DAB2IP: variants seen among roughly 807,000 people sequenced by gnomAD.
DAB2IP encodes disabled homolog 2-interacting protein.
A neutral mutation model predicts 107.2 loss-of-function variants in DAB2IP; 28 were observed. The observed-to-expected ratio is 0.26, with a 90% CI of 0.19 to 0.36. The LOEUF (loss-of-function observed/expected upper bound fraction) is 0.36. DAB2IP is among the 10% of genes least tolerant of loss of function. The probability of loss-of-function intolerance (pLI) is 1.00; values close to 1 mark genes in which losing one functional copy is unlikely to be tolerated. For missense variants in DAB2IP, 1,400 were observed against 1,644.7 expected, an observed-to-expected ratio of 0.85 and a Z score of 2.57; for synonymous variants, 755 against 706.4, an observed-to-expected ratio of 1.07 and a Z score of -1.09.
intron 1 of DAB2IP, among the ~76,000 whole-genome samples, chr9:121,627,199 G>C (rs533118873): frequency 1.3e-5 from 2 of 151,542 alleles, no homozygotes; most frequent in Non-Finnish European, 2.9e-5. Flanking sequence ...CCACCCAGGA[G>C]ATCATCCCAC....
intron 3 of DAB2IP, among the ~76,000 whole-genome samples, 167 bp from the exon 4 acceptor site, chr9:121,756,844 GTC>G (rs1833526534): frequency 6.6e-6 from 1 of 152,250 alleles, no homozygotes; most frequent in East Asian, 1.9e-4. Context: ...GTTCCCACCA[GTC>G]TCTGTGACAG....
In DAB2IP at chr9:121,781,561, C is replaced by T; in HGVS notation, c.3402+10C>T. On this transcript the variant is annotated intron_variant, in intron 15 of 15. Coordinates refer to ENST00000408936, the Ensembl canonical transcript of DAB2IP. ...GATCATTGATGCCCAGGTGGGGGCT[C>T]CGGCCCTTTGGTCAGCCACAAGAGT... The T allele has an allele frequency of 6.2e-7, 1 of 1,612,516 alleles. No individual in the cohort carries two copies. The highest frequency in any genetic ancestry group is 8.5e-7 in the Non-Finnish European group (1 of 1,179,926).
intron 1 of DAB2IP, among the ~76,000 whole-genome samples, chr9:121,641,856 CTTT>C (rs1832300035): frequency 6.8e-6 from 1 of 147,716 alleles, no homozygotes; most frequent in Admixed American, 6.8e-5. Context: ...CTTTTTCTTT[CTTT>C]CTTTTCTTTC....
At chr9:121,667,023 G>C (rs1280382930) in intron 1 of DAB2IP, among the ~76,000 whole-genome samples, 1 of 152,090 alleles carries the variant, frequency 6.6e-6, no homozygotes, top group African/African-American at 2.4e-5. Context: ...TGTTTTGTTT[G>C]TTTTCGAGAC....
chr9:121,597,290 A>C (rs146217459), intron 1 of DAB2IP, among the ~76,000 whole-genome samples: 1 of 152,140 alleles, frequency 6.6e-6, no homozygotes, highest in Non-Finnish European at 1.5e-5. Flanking sequence ...TCTTTTATGC[A>C]TGGTGTGAGG....
intron 3 of DAB2IP, among the ~76,000 whole-genome samples, chr9:121,730,516 C>T (rs1400846612): frequency 6.6e-6 from 1 of 152,236 alleles, no homozygotes; most frequent in Non-Finnish European, 1.5e-5. Context: ...GCCCAGCAGG[C>T]TGCAGGGGCA....
At chr9:121,674,351 G>T (rs1264601637) in intron 1 of DAB2IP, among the ~76,000 whole-genome samples, 3 of 152,204 alleles carry the variant, frequency 2.0e-5, no homozygotes, top group Non-Finnish European at 4.4e-5. Context: ...GGAACTAGGG[G>T]CCACACAGGA....
rs114865177 is a variant in DAB2IP at position 121,741,261 on chromosome 9, A to G, written c.363-15752A>G. The stretch of plus-strand genomic sequence containing the variant: ...TAGCTTTTGGGGAGGCTGTTTCTGC[A>G]ACAGGCGTGTAGGGTGGCCCTATGG... On this transcript the variant is annotated intron_variant, in intron 3 of 15. Coordinates refer to ENST00000408936, the Ensembl canonical transcript of DAB2IP. Among the ~76,000 whole-genome samples the G allele has an allele frequency of 6.0e-3, 920 of 152,338 alleles. 11 individuals carry two copies. Among genetic ancestry groups the G allele is most frequent in the African/African-American group, 0.021 (867 of 41,572 alleles).
intron 1 of DAB2IP, among the ~76,000 whole-genome samples, chr9:121,621,222 G>C (rs933138936): frequency 1.4e-4 from 22 of 152,214 alleles, no homozygotes; most frequent in African/African-American, 5.3e-4. Flanking sequence ...TTTTCTCCAT[G>C]CTGCCTCCAG....
chr9:121,652,897 T>G (rs895643753), intron 1 of DAB2IP, among the ~76,000 whole-genome samples: 8 of 152,172 alleles, frequency 5.3e-5, no homozygotes, highest in Admixed American at 6.5e-5. Context: ...AGTGTTCGGT[T>G]GCTTCCACCA....
intron 8 of DAB2IP, among the ~76,000 whole-genome samples, chr9:121,764,545 G>A (rs1020853092): frequency 1.3e-5 from 2 of 152,198 alleles, no homozygotes; most frequent in Admixed American, 6.5e-5. Context: ...GCCTGGTGCC[G>A]AGTATAGCCT....
intron 1 of DAB2IP, among the ~76,000 whole-genome samples, chr9:121,595,503 T>C (rs911703715): frequency 4.6e-5 from 7 of 151,618 alleles, no homozygotes; most frequent in African/African-American, 7.3e-5. Flanking sequence ...CTCAGGATGC[T>C]GAGGTGGGAG....
At chr9:121,572,549 G>T (rs1829970502) in intron 1 of DAB2IP, among the ~76,000 whole-genome samples, 2 of 152,188 alleles carry the variant, frequency 1.3e-5, no homozygotes, top group African/African-American at 4.8e-5. Flanking sequence ...AGCTGAGGGT[G>T]CTGGGCCCCA....
Position 121,782,627 on chromosome 9 carries a change from CCT to C in DAB2IP, c.*130_*131del. Reference sequence around the variant, plus strand: ...GTGTCAGGAGGCCGAGCCTCCCCTCCCTGCCGCTGTCCAGGAGGCGGCCGCAG... The same window carrying C: ...GTGTCAGGAGGCCGAGCCTCCCCTCCGCCGCTGTCCAGGAGGCGGCCGCAG... On this transcript the variant is annotated 3_prime_UTR_variant, in exon 16 of 16. Transcript: ENST00000408936. The surrounding 1 kb of genome is among the most constrained non-coding windows in gnomAD (Gnocchi z 6.1). 3 of 1,503,372 alleles carry C rather than the reference CCT, an allele frequency of 2.0e-6. No homozygotes were observed. The highest frequency in any genetic ancestry group is 2.7e-6 in the Non-Finnish European group (3 of 1,129,210). The allele number at this position is 1,503,372 out of a possible 1,614,324, so 93.1% of individuals were successfully genotyped here.
At chr9:121,607,786 A>G (rs1227352812) in intron 1 of DAB2IP, among the ~76,000 whole-genome samples, 1 of 152,212 alleles carries the variant, frequency 6.6e-6, no homozygotes, top group Non-Finnish European at 1.5e-5. Flanking sequence ...GGGAATGTGA[A>G]TAAGTAAATA....
chr9:121,761,577 G>GC (rs1833894675), intron 6 of DAB2IP, among the ~76,000 whole-genome samples: 1 of 152,202 alleles, frequency 6.6e-6, no homozygotes, highest in South Asian at 2.1e-4. Flanking sequence ...AGCCTCTGCA[G>GC]CCCCCCTCCC....
chr9:121,671,324 A>C (rs1833672467), intron 1 of DAB2IP, among the ~76,000 whole-genome samples: 2 of 152,196 alleles, frequency 1.3e-5, no homozygotes, highest in African/African-American at 4.8e-5. Context: ...CGACTGACCT[A>C]GACTCCATCT....
intron 1 of DAB2IP, among the ~76,000 whole-genome samples, chr9:121,658,441 G>C (rs948130709): frequency 6.6e-6 from 1 of 152,244 alleles, no homozygotes; most frequent in Non-Finnish European, 1.5e-5. Context: ...GTTTGAGAAT[G>C]AGCAGCCGAG....
intron 1 of DAB2IP, among the ~76,000 whole-genome samples, chr9:121,627,411 G>C (rs529015378): frequency 8.0e-4 from 122 of 152,070 alleles, no homozygotes; most frequent in African/African-American, 2.8e-3. Flanking sequence ...CTTCAAACCG[G>C]AGTGCATAAA....
Sources: allele counts gnomAD v4.1 joint callset (sites outside exome capture counted in the v4.1 genomes callset), GRCh38; gene constraint gnomAD v4.1.1; non-coding constraint Gnocchi (gnomAD v3.1); transcripts MANE v1.5; gene names NCBI Gene and HGNC (gene_info 2026-07-23, HGNC 2026-07-21).